SAXO1: variants seen among roughly 807,000 people sequenced by gnomAD.
SAXO1 encodes the protein 4930500O09Rik.
A neutral mutation model predicts 17.5 loss-of-function variants in SAXO1; 21 were observed. That is an observed-to-expected ratio of 1.20 (90% CI 0.85 to 1.72). The LOEUF (loss-of-function observed/expected upper bound fraction) is 1.72, where lower values mean the gene tolerates loss of function less well. Among genes scored for constraint, SAXO1 ranks in the 40% most tolerant of loss-of-function variants. SAXO1 has a pLI of 0.00. For synonymous variants in SAXO1, 274 were observed against 216.5 expected, an observed-to-expected ratio of 1.27 and a Z score of -2.33; for missense variants, 843 against 596.0, an observed-to-expected ratio of 1.41 and a Z score of -4.32.
chr9:18,968,667 C>T (rs895304728), intron 1 of SAXO1, among the ~76,000 whole-genome samples: 2 of 151,114 alleles, frequency 1.3e-5, no homozygotes, highest in Non-Finnish European at 2.9e-5. Context: ...GATCGCAGCT[C>T]ACTGCAACCT....
intron 1 of SAXO1, among the ~76,000 whole-genome samples, chr9:19,024,979 G>T (rs1005048594): frequency 6.6e-6 from 1 of 152,174 alleles, no homozygotes; most frequent in Non-Finnish European, 1.5e-5. Context: ...CATGTTTACT[G>T]CTGTAATTGG....
intron 1 of SAXO1, among the ~76,000 whole-genome samples, chr9:18,990,880 GA>G (rs1441943081): frequency 6.6e-6 from 1 of 152,138 alleles, no homozygotes; most frequent in Admixed American, 6.5e-5. Context: ...CTTGTTGCAA[GA>G]AAACAAGCTC....
At chr9:18,960,540 G>A (rs1430478053) in intron 1 of SAXO1, among the ~76,000 whole-genome samples, 1 of 152,158 alleles carries the variant, frequency 6.6e-6, no homozygotes, top group African/African-American at 2.4e-5. Context: ...CACTTTGGAA[G>A]ACTGAGGTGT....
At chr9:19,040,897 A>T (rs549924182) in intron 1 of SAXO1, among the ~76,000 whole-genome samples, 1 of 152,192 alleles carries the variant, frequency 6.6e-6, no homozygotes, top group South Asian at 2.1e-4. Flanking sequence ...ACAATAAATG[A>T]ATTTTATAGA....
At chr9:18,989,011 A>G (rs954187574) in intron 1 of SAXO1, among the ~76,000 whole-genome samples, 1 of 152,120 alleles carries the variant, frequency 6.6e-6, no homozygotes, top group Non-Finnish European at 1.5e-5. Flanking sequence ...ATGCCTTTTT[A>G]TTTTAATAAG....
intron 2 of SAXO1, among the ~76,000 whole-genome samples, chr9:18,946,260 G>A (rs1321793481): frequency 1.1e-5 from 1 of 92,714 alleles, no homozygotes; most frequent in African/African-American, 4.5e-5. Flanking sequence ...TGGGCAACAA[G>A]AGCAAAACTT....
intron 1 of SAXO1, among the ~76,000 whole-genome samples, chr9:18,982,845 C>T (rs904645262): frequency 6.6e-6 from 1 of 152,170 alleles, no homozygotes; most frequent in African/African-American, 2.4e-5. Flanking sequence ...TATGGAGATA[C>T]AAACTAAAAG....
intron 1 of SAXO1, among the ~76,000 whole-genome samples, chr9:19,004,307 A>AT: frequency 6.6e-6 from 1 of 152,336 alleles, no homozygotes; most frequent in Non-Finnish European, 1.5e-5. Flanking sequence ...TAGTTCAACC[A>AT]TTGTGGAAGA....
At chr9:19,008,389 C>G (rs151204266) in intron 1 of SAXO1, among the ~76,000 whole-genome samples, 2 of 152,242 alleles carry the variant, frequency 1.3e-5, no homozygotes, top group East Asian at 1.9e-4. Flanking sequence ...GCTAACCACT[C>G]AGTTGTTATT....
intron 1 of SAXO1, among the ~76,000 whole-genome samples, chr9:18,995,267 T>C (rs965255544): frequency 6.6e-6 from 1 of 152,238 alleles, no homozygotes; most frequent in Admixed American, 6.5e-5. Flanking sequence ...AATCCTCTCC[T>C]TTCTAGCGAT....
chr9:18,969,091 A>G (rs1263651472), intron 1 of SAXO1, among the ~76,000 whole-genome samples: 3 of 152,020 alleles, frequency 2.0e-5, no homozygotes, highest in Non-Finnish European at 4.4e-5. Flanking sequence ...GGAAATATGT[A>G]TACAAATCCC....
At chr9:19,047,238 C>T (rs1836238915) in intron 1 of SAXO1, among the ~76,000 whole-genome samples, 1 of 152,042 alleles carries the variant, frequency 6.6e-6, no homozygotes, top group African/African-American at 2.4e-5. Flanking sequence ...GTGGTGGAGG[C>T]CTGTAGTCCC....
chr9:18,934,896 T>C (rs1423541609), intron 3 of SAXO1, among the ~76,000 whole-genome samples: 3 of 152,156 alleles, frequency 2.0e-5, no homozygotes, highest in Non-Finnish European at 4.4e-5. Context: ...TTTTTGTTCA[T>C]TTTTTTCTTT....
chr9:18,953,239 C>T (rs1377077513), intron 1 of SAXO1, among the ~76,000 whole-genome samples: 1 of 152,220 alleles, frequency 6.6e-6, no homozygotes. Context: ...ATGGGCTCCA[C>T]AGGCAGAGTG....
intron 1 of SAXO1, among the ~76,000 whole-genome samples, chr9:18,986,003 A>G (rs911960087): frequency 6.6e-5 from 10 of 152,210 alleles, no homozygotes; most frequent in African/African-American, 2.4e-4. Context: ...TCAAAGCACA[A>G]TTAGACCAGG....
chr9:19,001,166 C>A (rs549360015), intron 1 of SAXO1, among the ~76,000 whole-genome samples: 77 of 152,276 alleles, frequency 5.1e-4, no homozygotes, highest in African/African-American at 1.7e-3. Flanking sequence ...CACACTTATT[C>A]TAAACTTGAC....
At chr9:18,979,906 A>G (rs929071736) in intron 1 of SAXO1, among the ~76,000 whole-genome samples, 2 of 152,174 alleles carry the variant, frequency 1.3e-5, no homozygotes, top group South Asian at 4.1e-4. Context: ...GAGATGATGA[A>G]GACCTACACT....
chr9:18,928,452 T>C lies in SAXO1; in HGVS notation c.1025A>G (p.Asp342Gly). ...CATGCTGGACCACTGCTTGTAGTCA[T>C]CCTTGGTGGTGGAAGAGCCTTCAAA... ...GRFEGSSTTK[D>G]DYKQWSSMRT... The change falls in exon 4 of 4, where the codon GAT becomes GGT. Residue 342 changes from aspartate to glycine, a missense_variant. Coordinates refer to ENST00000380534, the MANE Select transcript of SAXO1 (RefSeq NM_153707.4). The C allele has an allele frequency of 1.2e-6, 2 of 1,610,906 alleles. No homozygotes were observed. Among genetic ancestry groups the C allele is most frequent in the Non-Finnish European group, 1.7e-6 (2 of 1,178,218 alleles).
intron 1 of SAXO1, among the ~76,000 whole-genome samples, chr9:19,013,407 C>T (rs1336419338): frequency 6.6e-6 from 1 of 152,066 alleles, no homozygotes; most frequent in African/African-American, 2.4e-5. Context: ...ACAGTATTTC[C>T]CCTTACCTTT....
Sources: gnomAD v4.1 joint callset for allele counts (sites outside exome capture counted in the v4.1 genomes callset) on GRCh38, gnomAD v4.1.1 for gene constraint, MANE v1.5 for transcripts, NCBI Gene and HGNC (gene_info 2026-07-23, HGNC 2026-07-21) for gene names.